Variants in CAMTA1 observed in about 807,000 individuals in gnomAD.
CAMTA1 encodes calmodulin binding transcription activator 1, also known as calmodulin-binding transcription activator 1.
Under a neutral mutation model 170.9 loss-of-function variants are expected in CAMTA1, and 27 were observed. That is an observed-to-expected ratio of 0.16 (90% CI 0.12 to 0.22). The LOEUF (loss-of-function observed/expected upper bound fraction) is 0.22. CAMTA1 is among the 10% of genes least tolerant of loss of function. CAMTA1 has a pLI of 1.00. For missense variants in CAMTA1, 1,619 were observed against 2,217.2 expected (o/e 0.73, Z 5.42); for synonymous variants, 833 against 891.5 (o/e 0.93, Z 1.17).
rs1308923088 is a variant in CAMTA1 at position 7,682,266 on chromosome 1, G to GT, written c.2914+4534dup. ...GCCTGCTTCCTGGGCAAGCCTCAGT[G>GT]TAAGGTGGGTGAGCCCAGACAGCTT... is the stretch of plus-strand genomic sequence containing the variant. On this transcript the variant is annotated intron_variant, in intron 11 of 22. Coordinates refer to ENST00000303635, the MANE Select transcript of CAMTA1 (RefSeq NM_015215.4). The surrounding 1 kb of genome is among the most constrained non-coding windows in gnomAD (Gnocchi z 5.0). Among the ~76,000 whole-genome samples, 1 of 152,220 alleles carries GT rather than the reference G, an allele frequency of 6.6e-6. No homozygotes were observed. Among genetic ancestry groups the GT allele is most frequent in the African/African-American group, 2.4e-5 (1 of 41,454 alleles).
At chr1:6,981,361 G>A (rs1694409521) in intron 3 of CAMTA1, among the ~76,000 whole-genome samples, 1 of 152,140 alleles carries the variant, frequency 6.6e-6, no homozygotes, top group Non-Finnish European at 1.5e-5. Context: ...TCAATTTACA[G>A]ATTTTTACTT....
intron 3 of CAMTA1, among the ~76,000 whole-genome samples, chr1:6,939,857 G>T (rs1686127863): frequency 6.6e-6 from 1 of 152,238 alleles, no homozygotes; most frequent in East Asian, 1.9e-4. Flanking sequence ...CATGAGAGCA[G>T]GCACCTTCTC....
intron 3 of CAMTA1, among the ~76,000 whole-genome samples, chr1:7,085,019 C>T (rs1640549177): frequency 1.3e-5 from 2 of 152,288 alleles, no homozygotes; most frequent in African/African-American, 4.8e-5. Flanking sequence ...GTTCTGAGAT[C>T]CATGTGCAGA....
At chr1:6,876,391 T>A (rs1347674872) in intron 3 of CAMTA1, among the ~76,000 whole-genome samples, 1 of 151,956 alleles carries the variant, frequency 6.6e-6, no homozygotes, top group Non-Finnish European at 1.5e-5. Context: ...GACGGAGTTT[T>A]GCTCTTGTCG....
Position 7,257,078 on chromosome 1 carries a change from G to GC in CAMTA1, c.438+7452_438+7453insC, listed in dbSNP as rs1553291567. Among the ~76,000 whole-genome samples the GC allele has an allele frequency of 9.1e-4, 120 of 131,788 alleles. 4 individuals are homozygous for GC. Among genetic ancestry groups the GC allele is most frequent in the Middle Eastern group, 3.6e-3 (1 of 278 alleles). 86.5% of individuals were successfully genotyped at this position (131,788 alleles called of 152,430 possible). On this transcript the variant is annotated intron_variant, in intron 5 of 22. Coordinates refer to ENST00000303635, the MANE Select transcript of CAMTA1 (RefSeq NM_015215.4). ...CACTTCCACATACCATCGCATGGCGGGGGCGGGGGTTGGTTTTCATCATAT... is the reference window on the plus strand; with the variant it reads ...CACTTCCACATACCATCGCATGGCGGCGGGCGGGGGTTGGTTTTCATCATAT...
intron 5 of CAMTA1, among the ~76,000 whole-genome samples, chr1:7,255,741 AC>A (rs1399123678): frequency 6.6e-6 from 1 of 152,054 alleles, no homozygotes; most frequent in African/African-American, 2.4e-5. Flanking sequence ...TACAGAATCT[AC>A]CCCACACGAC....
At chr1:7,662,462 G>C (rs1314212315) in intron 8 of CAMTA1, among the ~76,000 whole-genome samples, 1 of 152,084 alleles carries the variant, frequency 6.6e-6, no homozygotes, top group African/African-American at 2.4e-5. Flanking sequence ...GTGCATTGAG[G>C]AGTCTTGGTG....
rs899378393 is a variant in CAMTA1, at chr1:7,463,729, TGGCCG to T, written c.439-4098_439-4094del. 2.0e-5 allele frequency among the ~76,000 whole-genome samples: 3 copies of T among 152,104 alleles called. No individual in the cohort carries two copies. The highest frequency in any genetic ancestry group is 7.2e-5 in the African/African-American group (3 of 41,430). ...TGCGTCAGATGAGGCCGTAGAGAGC[TGGCCG>T]GGAAGGGAGGTGCCCACAACATACC... On this transcript the variant is annotated intron_variant, in intron 5 of 22. Transcript: ENST00000303635. The surrounding 1 kb of genome is among the most constrained non-coding windows in gnomAD (Gnocchi z 4.7).
chr1:7,276,303 A>ATATATATTTTTTT, intron 5 of CAMTA1, among the ~76,000 whole-genome samples: 5 of 24,230 alleles, frequency 2.1e-4, no homozygotes, highest in Admixed American at 6.5e-4. Context: ...ATATATATAT[A>ATATATATTTTTTT]TTTTTTTTTT....
Position 7,333,682 on chromosome 1 carries a change from A to G in CAMTA1, c.438+84056A>G, listed in dbSNP as rs1208614522. Among the ~76,000 whole-genome samples, 2 of 152,194 alleles carry G rather than the reference A, an allele frequency of 1.3e-5. No homozygotes were observed. The highest frequency in any genetic ancestry group is 4.8e-5 in the African/African-American group (2 of 41,438). ...GCCTCCGCCATGTTGCAGATTCTCC[A>G]ATAAGCATCCCGGTGATCTGTGTGC... On this transcript the variant is annotated intron_variant, in intron 5 of 22. Transcript: ENST00000303635. This position sits in a 1 kb window ranked among gnomAD's most constrained non-coding sequence, Gnocchi z 4.4.
chr1:7,462,607 T>G (rs1336264849), intron 5 of CAMTA1, among the ~76,000 whole-genome samples: 1 of 152,216 alleles, frequency 6.6e-6, no homozygotes, highest in East Asian at 1.9e-4. Flanking sequence ...TACATTTTTT[T>G]TAATTGTTGA....
intron 3 of CAMTA1, among the ~76,000 whole-genome samples, chr1:6,929,076 GA>G (rs1471466681): frequency 6.6e-6 from 1 of 152,182 alleles, no homozygotes; most frequent in Non-Finnish European, 1.5e-5. Context: ...GTAAGATGTA[GA>G]AAAATTACAG....
intron 5 of CAMTA1, among the ~76,000 whole-genome samples, chr1:7,304,129 A>G (rs1675221983): frequency 6.6e-6 from 1 of 152,182 alleles, no homozygotes; most frequent in Non-Finnish European, 1.5e-5. Flanking sequence ...TGAAAAGTTT[A>G]GGAAAAGGAG....
At chr1:6,889,718 T>C (rs776182973) in intron 3 of CAMTA1, among the ~76,000 whole-genome samples, 7 of 152,190 alleles carry the variant, frequency 4.6e-5, no homozygotes, top group Non-Finnish European at 8.8e-5. Flanking sequence ...GGCGCTCTTA[T>C]ATTGTGTGTG....
At chr1:7,397,423 G>T (rs539740702) in intron 5 of CAMTA1, among the ~76,000 whole-genome samples, 54 of 151,706 alleles carry the variant, frequency 3.6e-4, no homozygotes, top group African/African-American at 1.3e-3. Context: ...TGATTTTTTT[G>T]TATCAATATA....
intron 3 of CAMTA1, among the ~76,000 whole-genome samples, chr1:6,984,372 G>A (rs1695015140): frequency 6.6e-6 from 1 of 152,094 alleles, no homozygotes; most frequent in Admixed American, 6.5e-5. Context: ...CAACACTTTG[G>A]GAGGCTGAGG....
In CAMTA1 at chr1:6,918,440, G is replaced by A. The variant is rs1681296052; in HGVS notation, c.234+93230G>A. 6.6e-6 allele frequency among the ~76,000 whole-genome samples: 1 copy of A among 152,162 alleles called. No homozygotes were observed. Among genetic ancestry groups the A allele is most frequent in the African/African-American group, 2.4e-5 (1 of 41,430 alleles). On this transcript the variant is annotated intron_variant, in intron 3 of 22. Transcript: ENST00000303635. This position sits in a 1 kb window ranked among gnomAD's most constrained non-coding sequence, Gnocchi z 4.0. Reference sequence around the variant, plus strand: ...ACAGAATTTACATCATTAATCATTGGCAGTAATAGAAAAGTCATTGGAATA... The same window carrying A: ...ACAGAATTTACATCATTAATCATTGACAGTAATAGAAAAGTCATTGGAATA...
chr1:7,319,862 T>A (rs528091574), intron 5 of CAMTA1, among the ~76,000 whole-genome samples: 1 of 106,230 alleles, frequency 9.4e-6, no homozygotes, highest in East Asian at 2.7e-4. Flanking sequence ...ACTAAATCAT[T>A]TTTTTTTTCC....
chr1:7,498,216 A>C, intron 6 of CAMTA1, among the ~76,000 whole-genome samples: 1 of 147,750 alleles, frequency 6.8e-6, no homozygotes, highest in East Asian at 2.0e-4. Flanking sequence ...GACAGTGTGG[A>C]TGTGTGTGTA....
Sources: gnomAD v4.1 joint callset for allele counts (sites outside exome capture counted in the v4.1 genomes callset) on GRCh38, gnomAD v4.1.1 for gene constraint, Gnocchi (gnomAD v3.1) non-coding constraint, MANE v1.5 for transcripts, NCBI Gene and HGNC (gene_info 2026-07-23, HGNC 2026-07-21) for gene names.